NAV3: variants seen among roughly 807,000 people sequenced by gnomAD.
NAV3 encodes pore membrane and/or filament interacting like protein 1.
Under a neutral mutation model 244.7 loss-of-function variants are expected in NAV3, and 87 were observed. That is an observed-to-expected ratio of 0.36 (90% CI 0.30 to 0.42). The LOEUF (loss-of-function observed/expected upper bound fraction) is 0.42. NAV3 is among the 20% of genes least tolerant of loss of function. The probability of loss-of-function intolerance (pLI) is 1.00; values close to 1 mark genes in which losing one functional copy is unlikely to be tolerated. For missense variants in NAV3, 2,663 were observed against 2,893.3 expected (o/e 0.92, Z 1.83); for synonymous variants, 1,126 against 1,042.2 (o/e 1.08, Z -1.55).
chr12:78,005,006 C>T (rs1437226806), intron 7 of NAV3, among the ~76,000 whole-genome samples: 1 of 152,144 alleles, frequency 6.6e-6, no homozygotes, highest in African/African-American at 2.4e-5. Context: ...ATGTCTTCAA[C>T]TTGTTTCTCT....
rs373451720 is a variant in NAV3 at position 77,624,655 on chromosome 12, T to TGA, written c.72+52402_72+52403dup. 2.6e-5 allele frequency among the ~76,000 whole-genome samples: 4 copies of TGA among 151,432 alleles called. No individual in the cohort carries two copies. The East Asian group carries it at 5.8e-4, about 22-fold the overall frequency. Reference sequence around the variant, plus strand: ...ATATGCTGCTGGATGAAATGCAGGCTGAGAGAGAGAGAGAAGAATGACTCC... The same window carrying TGA: ...ATATGCTGCTGGATGAAATGCAGGCTGAGAGAGAGAGAGAGAAGAATGACTCC... On this transcript the variant is annotated intron_variant, in intron 2 of 8. Coordinates refer to the NAV3 transcript ENST00000550042.
chr12:77,684,314 A>C (rs1265780952), intron 2 of NAV3, among the ~76,000 whole-genome samples: 1 of 152,132 alleles, frequency 6.6e-6, no homozygotes, highest in Admixed American at 6.6e-5. Flanking sequence ...TATGGATACA[A>C]GTATGATTTA....
At chr12:77,772,649 A>G (rs1321165565) in intron 2 of NAV3, among the ~76,000 whole-genome samples, 1 of 152,104 alleles carries the variant, frequency 6.6e-6, no homozygotes, top group Non-Finnish European at 1.5e-5. Context: ...TAAATTTCAA[A>G]TTCTCCTTGG....
intron 2 of NAV3, among the ~76,000 whole-genome samples, chr12:77,768,996 A>C (rs1275255609): frequency 1.3e-5 from 2 of 152,228 alleles, no homozygotes; most frequent in Non-Finnish European, 2.9e-5. Context: ...CTTTACAGTG[A>C]GTCATACATT....
intron 2 of NAV3, among the ~76,000 whole-genome samples, chr12:77,779,809 T>G (rs748361397): frequency 5.9e-5 from 9 of 152,172 alleles, no homozygotes; most frequent in Non-Finnish European, 1.3e-4. Flanking sequence ...AGGAGAGGCC[T>G]GGGTTGTCAG....
rs760454493 is a variant in NAV3, at chr12:78,181,006, T to C, written c.5653T>C (p.Ser1885Pro). 1.2e-5 allele frequency: 19 copies of C among 1,613,086 alleles called. No homozygotes were observed. Among genetic ancestry groups the C allele is most frequent in the Non-Finnish European group, 1.6e-5 (19 of 1,179,406 alleles). Residue 1885 changes from serine (S) to proline (P), a missense_variant, in exon 30 of 40, where the codon TCT becomes CCT. Physicochemically the swap from Ser to Pro is moderately conservative, Grantham distance 74 (BLOSUM62 -1). This residue lies in a region of NAV3 where 543 missense variants were observed against 672.4 expected (regional missense o/e 0.81). Coordinates refer to ENST00000397909, the MANE Select transcript of NAV3 (RefSeq NM_001024383.2). ...SSSSRQSLGLSLNNLNITEAV... is the reference protein window; with the variant it reads ...SSSSRQSLGLPLNNLNITEAV... Reference sequence around the variant, plus strand: ...ATCTTCCAGGCAGTCATTAGGACTTTCTCTAAACAATTTGAACATCACAGA... The same window carrying C: ...ATCTTCCAGGCAGTCATTAGGACTTCCTCTAAACAATTTGAACATCACAGA...
rs1488912137 is a variant in NAV3, at chr12:78,200,512, G to T, written c.6755G>T (p.Gly2252Val). The T allele has an allele frequency of 1.9e-6, 3 of 1,601,458 alleles. No homozygotes were observed. Among genetic ancestry groups the T allele is most frequent in the African/African-American group, 1.3e-5 (1 of 74,366 alleles). ...LFLPCPMDVEGSRVWFMDLWN... is the reference protein window; with the variant it reads ...LFLPCPMDVEVSRVWFMDLWN... Reference sequence around the variant, plus strand: ...CTTCCTTGCCCCATGGATGTAGAAGGTTCTAGAGTATGGTTCATGGATCTC... The same window carrying T: ...CTTCCTTGCCCCATGGATGTAGAAGTTTCTAGAGTATGGTTCATGGATCTC... The change falls in exon 38 of 40, where the codon GGT (glycine) becomes GTT (valine). Residue 2252 changes from glycine (G) to valine (V), a missense_variant. By Grantham distance (109) the Gly-to-Val change is moderately radical. Transcript: ENST00000397909.
chr12:78,098,718 G>T (rs1954382670), intron 12 of NAV3, among the ~76,000 whole-genome samples: 4 of 150,786 alleles, frequency 2.7e-5, no homozygotes, highest in South Asian at 2.1e-4. Flanking sequence ...ATTTGAAACT[G>T]GTTTTTTTTT....
chr12:78,115,145 G>A (rs552851156), intron 12 of NAV3, among the ~76,000 whole-genome samples: 2 of 152,252 alleles, frequency 1.3e-5, no homozygotes, highest in East Asian at 3.9e-4. Flanking sequence ...TGTAGTTTGT[G>A]CTTTCATGAT....
At chr12:77,657,299 C>A (rs1443207757) in intron 2 of NAV3, among the ~76,000 whole-genome samples, 1 of 152,284 alleles carries the variant, frequency 6.6e-6, no homozygotes, top group African/African-American at 2.4e-5. Flanking sequence ...CACAGAAATA[C>A]AAACTACCAT....
At chr12:77,668,301 A>G (rs1873811861) in intron 2 of NAV3, among the ~76,000 whole-genome samples, 1 of 152,226 alleles carries the variant, frequency 6.6e-6, no homozygotes, top group African/African-American at 2.4e-5. Context: ...AATTGCCAGA[A>G]AAAGAATTCA....
chr12:78,173,967 A>G (rs959726981), intron 24 of NAV3, among the ~76,000 whole-genome samples: 22 of 151,738 alleles, frequency 1.4e-4, no homozygotes, highest in African/African-American at 5.1e-4. Context: ...TTTTGTTGCC[A>G]TGGATCATTT....
At chr12:77,680,252 G>A (rs980213441) in intron 2 of NAV3, among the ~76,000 whole-genome samples, 1 of 152,140 alleles carries the variant, frequency 6.6e-6, no homozygotes, top group African/African-American at 2.4e-5. Flanking sequence ...GGGCAGGAGG[G>A]TAAGGGACTG....
At chr12:77,732,599 A>G (rs1210978883) in intron 2 of NAV3, among the ~76,000 whole-genome samples, 1 of 152,056 alleles carries the variant, frequency 6.6e-6, no homozygotes. Flanking sequence ...ATTGTGAAAT[A>G]TGGATTGTCT....
intron 3 of NAV3, among the ~76,000 whole-genome samples, chr12:77,954,488 C>G (rs949019756): frequency 6.6e-6 from 1 of 152,192 alleles, no homozygotes; most frequent in African/African-American, 2.4e-5. Flanking sequence ...ATAAACTATG[C>G]TATCTCTCTG....
chr12:77,768,948 C>T (rs1390212619), intron 2 of NAV3, among the ~76,000 whole-genome samples: 1 of 152,234 alleles, frequency 6.6e-6, no homozygotes, highest in Admixed American at 6.5e-5. Flanking sequence ...TACTCATCAA[C>T]ATTGCCCTTC....
At chr12:77,909,750 AT>A (rs1427976958) in intron 1 of NAV3, among the ~76,000 whole-genome samples, 1 of 152,118 alleles carries the variant, frequency 6.6e-6, no homozygotes, top group Non-Finnish European at 1.5e-5. Context: ...AATAATATCA[AT>A]TTTTATGACT....
At chr12:78,006,255 T>A (rs1328933876) in intron 7 of NAV3, among the ~76,000 whole-genome samples, 164 bp from the exon 8 acceptor site, 1 of 151,034 alleles carries the variant, frequency 6.6e-6, no homozygotes, top group Non-Finnish European at 1.5e-5. Context: ...TTTTGAAATA[T>A]GGTAAAAAAA....
chr12:77,900,116 G>A (rs1008489905), intron 1 of NAV3, among the ~76,000 whole-genome samples: 19 of 139,790 alleles, frequency 1.4e-4, no homozygotes, highest in East Asian at 4.2e-4. Flanking sequence ...TCACTCTTTC[G>A]CCCAGGCTGG....
Sources: allele counts gnomAD v4.1 joint callset (sites outside exome capture counted in the v4.1 genomes callset), GRCh38; gene constraint gnomAD v4.1.1; regional missense constraint gnomAD v4.1.1; transcripts MANE v1.5; gene names NCBI Gene and HGNC (gene_info 2026-07-23, HGNC 2026-07-21).